Variants in STK24 observed in about 807,000 individuals in gnomAD.
STK24 encodes serine/threonine kinase 24, also known as serine/threonine-protein kinase 24.
A neutral mutation model predicts 55.6 loss-of-function variants in STK24; 21 were observed. The ratio of observed to expected loss-of-function variants is 0.38; its 90% CI spans 0.27 to 0.54. STK24 has a LOEUF of 0.54. STK24 is among the 20% of genes least tolerant of loss of function. The probability of loss-of-function intolerance (pLI) is 0.79; values close to 1 mark genes in which losing one functional copy is unlikely to be tolerated. For synonymous variants in STK24, 200 were observed against 215.2 expected (o/e 0.93, Z 0.62); for missense variants, 383 against 538.4 (o/e 0.71, Z 2.86).
rs1250450784 is a variant in STK24 at position 98,494,286 on chromosome 13, T to G, written c.274-11965A>C. Among the ~76,000 whole-genome samples, 31 of 147,764 alleles carry G rather than the reference T, an allele frequency of 2.1e-4. No homozygotes were observed. In the East Asian group the frequency reaches 5.7e-3, roughly 27 times the overall value. ...TTAGCCGGGCGTAGTGGCGGGCACCTGTAGTCCCAGCTACTCAGGAGGCTG... is the reference window on the plus strand; with the variant it reads ...TTAGCCGGGCGTAGTGGCGGGCACCGGTAGTCCCAGCTACTCAGGAGGCTG... On this transcript the variant is annotated intron_variant, in intron 2 of 10. Transcript: ENST00000539966.
chr13:98,535,482 T>C (rs1214391616), intron 1 of STK24, among the ~76,000 whole-genome samples: 2 of 150,128 alleles, frequency 1.3e-5, no homozygotes, highest in Non-Finnish European at 3.0e-5. Flanking sequence ...AAAGTGAAAC[T>C]GGCACCTCCT....
chr13:98,571,706 T>C (rs1404160208), intron 1 of STK24, among the ~76,000 whole-genome samples: 2 of 152,218 alleles, frequency 1.3e-5, no homozygotes, highest in Non-Finnish European at 2.9e-5. Flanking sequence ...TGAGTACTTA[T>C]TACTCTTTAG....
chr13:98,479,996 A>ACC (rs1409086562), intron 3 of STK24, among the ~76,000 whole-genome samples: 1 of 152,150 alleles, frequency 6.6e-6, no homozygotes, highest in Non-Finnish European at 1.5e-5. Context: ...GGACCCTTCA[A>ACC]CCCTGAAGGT....
intron 1 of STK24, among the ~76,000 whole-genome samples, chr13:98,532,949 CTTTAT>C (rs961681098): frequency 1.7e-4 from 26 of 152,258 alleles, no homozygotes; most frequent in African/African-American, 6.3e-4. Flanking sequence ...ATAGTATACA[CTTTAT>C]TTTATCCCTA....
chr13:98,550,929 A>T (rs1281768836), intron 1 of STK24, among the ~76,000 whole-genome samples: 1 of 152,206 alleles, frequency 6.6e-6, no homozygotes, highest in African/African-American at 2.4e-5. Flanking sequence ...TTCTGAATTA[A>T]GTTGAAGATT....
At chr13:98,572,743 A>G (rs146964759) in intron 1 of STK24, among the ~76,000 whole-genome samples, 1 of 152,370 alleles carries the variant, frequency 6.6e-6, no homozygotes, top group East Asian at 1.9e-4. Context: ...TTTTTAAGCT[A>G]TTCCTCTAAA....
At chr13:98,507,022 C>G in intron 2 of STK24, among the ~76,000 whole-genome samples, 1 of 152,316 alleles carries the variant, frequency 6.6e-6, no homozygotes, top group South Asian at 2.1e-4. Context: ...GTGCAAAGGA[C>G]GGTGCTGGCC....
chr13:98,474,708 T>TAC, intron 5 of STK24, 113 bp downstream of exon 5: 1 of 1,329,130 alleles, frequency 7.5e-7, no homozygotes, highest in Non-Finnish European at 1.0e-6. Context: ...CTTTATGACC[T>TAC]ACCTCAAGGT....
chr13:98,564,667 G>A (rs1019375508), intron 1 of STK24, among the ~76,000 whole-genome samples: 2 of 152,170 alleles, frequency 1.3e-5, no homozygotes, highest in African/African-American at 4.8e-5. Context: ...GAATTATCAG[G>A]TTCAGAGCAT....
chr13:98,458,499 G>C (rs1236548985), intron 9 of STK24, among the ~76,000 whole-genome samples: 1 of 152,232 alleles, frequency 6.6e-6, no homozygotes, highest in African/African-American at 2.4e-5. Context: ...TGGAGGGCCA[G>C]TGGGTGTAGA....
intron 1 of STK24, among the ~76,000 whole-genome samples, chr13:98,563,374 G>C (rs746764662): frequency 6.6e-6 from 1 of 152,146 alleles, no homozygotes; most frequent in Non-Finnish European, 1.5e-5. Context: ...ACAGAAGCTC[G>C]TCTTTTCTTG....
intron 3 of STK24, among the ~76,000 whole-genome samples, chr13:98,477,818 G>A (rs1480246672): frequency 2.0e-5 from 3 of 152,046 alleles, no homozygotes; most frequent in African/African-American, 7.2e-5. Flanking sequence ...TCTCCCAAAA[G>A]CAACGGCAGA....
chr13:98,536,984 C>T (rs1257022273), intron 1 of STK24, among the ~76,000 whole-genome samples: 1 of 152,204 alleles, frequency 6.6e-6, no homozygotes, highest in African/African-American at 2.4e-5. Context: ...CCGCCCCTCC[C>T]GGCTCATCTC....
At chr13:98,475,164 G>T in intron 4 of STK24, 86 bp downstream of exon 4, 1 of 1,406,486 alleles carries the variant, frequency 7.1e-7, no homozygotes, top group Non-Finnish European at 9.8e-7. Flanking sequence ...ACAAATGGGC[G>T]CCAGCACCTT....
intron 2 of STK24, among the ~76,000 whole-genome samples, chr13:98,484,895 T>G (rs1381560964): frequency 3.9e-5 from 6 of 152,154 alleles, no homozygotes; most frequent in African/African-American, 1.4e-4. Flanking sequence ...AACTCATTCC[T>G]GGTAGCAGAC....
At chr13:98,507,511 A>G (rs762175458) in intron 2 of STK24, among the ~76,000 whole-genome samples, 100 of 152,342 alleles carry the variant, frequency 6.6e-4, no homozygotes, top group Non-Finnish European at 7.6e-4. Context: ...AGAAAGAAAG[A>G]TAAGGGCTAG....
rs113340557 is a variant in STK24 at position 98,449,619 on chromosome 13, G to GAAAC, written c.*3550_*3553dup. On this transcript the variant is annotated 3_prime_UTR_variant, in exon 11 of 11. Coordinates refer to ENST00000539966, the MANE Select transcript of STK24 (RefSeq NM_001032296.4). ...TGTGGAGCTCTGACTGGTGTAGCTG[G>GAAAC]AAACAAACAGCAACTTGCAAACGGA... 14 of 152,716 alleles carry GAAAC rather than the reference G, an allele frequency of 9.2e-5. No homozygotes were observed. Among genetic ancestry groups the GAAAC allele is most frequent in the East Asian group, 5.8e-4 (3 of 5,188 alleles). The allele number at this position is 152,716 out of a possible 1,614,324, so 9.5% of individuals were successfully genotyped here.
chr13:98,473,846 C>T (rs370922362), intron 5 of STK24, among the ~76,000 whole-genome samples: 6 of 152,362 alleles, frequency 3.9e-5, no homozygotes, highest in South Asian at 4.1e-4. Context: ...TAGCTTGCAA[C>T]GGTGACCTGG....
intron 2 of STK24, among the ~76,000 whole-genome samples, chr13:98,490,263 G>A (rs77194599): frequency 0.016 from 2,462 of 152,260 alleles, 78 homozygotes; most frequent in African/African-American, 0.057. Context: ...TCACTTATCA[G>A]TTTAATCTGC....
Sources: allele counts gnomAD v4.1 joint callset (sites outside exome capture counted in the v4.1 genomes callset), GRCh38; gene constraint gnomAD v4.1.1; transcripts MANE v1.5; gene names NCBI Gene and HGNC (gene_info 2026-07-23, HGNC 2026-07-21).